MGAM2: variants seen among roughly 807,000 people sequenced by gnomAD.
MGAM2 encodes the protein maltase-glucoamylase 2 (putative), also known as probable maltase-glucoamylase 2.
In MGAM2, 98 loss-of-function variants were observed where a neutral mutation model predicts 96.1. The ratio of observed to expected loss-of-function variants is 1.02; its 90% CI spans 0.87 to 1.21. MGAM2 has a LOEUF of 1.21. Ranked by LOEUF, MGAM2 falls within the 50% of genes most tolerant of loss-of-function variation. The pLI, the probability that MGAM2 is intolerant of heterozygous loss-of-function variation, is 0.00. For missense variants in MGAM2, 2,055 were observed against 1,182.4 expected, an observed-to-expected ratio of 1.74 and a Z score of -10.82; for synonymous variants, 749 against 414.8, an observed-to-expected ratio of 1.81 and a Z score of -9.79.
chr7:142,178,996 T>TAGATGTA (rs1252312568), intron 32 of MGAM2, among the ~76,000 whole-genome samples: 1 of 151,768 alleles, frequency 6.6e-6, no homozygotes, highest in African/African-American at 2.4e-5. Flanking sequence ...GGTTAGATGT[T>TAGATGTA]TTCCTAGGTA....
chr7:142,123,280 G>A, intron 3 of MGAM2, among the ~76,000 whole-genome samples: 1 of 151,426 alleles, frequency 6.6e-6, no homozygotes, highest in East Asian at 1.9e-4. Flanking sequence ...AAATTTTTGG[G>A]TATCTTCGGG....
At chr7:142,215,393 C>T (rs1160826962) in intron 46 of MGAM2, among the ~76,000 whole-genome samples, 1 of 151,398 alleles carries the variant, frequency 6.6e-6, no homozygotes, top group African/African-American at 2.4e-5. Flanking sequence ...ACCACCATGG[C>T]ACATGTATAC....
intron 14 of MGAM2, among the ~76,000 whole-genome samples, chr7:142,146,621 C>T (rs1795392429): frequency 6.6e-6 from 1 of 152,106 alleles, no homozygotes; most frequent in Non-Finnish European, 1.5e-5. Flanking sequence ...AGAAGACTGG[C>T]CATTTCAGGC....
intron 32 of MGAM2, among the ~76,000 whole-genome samples, chr7:142,180,167 A>T (rs997913278): frequency 6.6e-6 from 1 of 152,150 alleles, no homozygotes; most frequent in African/African-American, 2.4e-5. Context: ...AAAATCTCTA[A>T]GGATATTCTG....
rs781649047 is a variant in MGAM2 at position 142,187,834 on chromosome 7, T to C, written c.4207T>C (p.Tyr1403His). The change falls in exon 36 of 48, where the codon TAT (tyrosine) becomes CAT (histidine). Residue 1403 changes from tyrosine to histidine, a missense_variant and splice_region_variant. Physicochemically the swap from Tyr to His is moderately conservative, Grantham distance 83. Transcript: ENST00000477922. ...EMLNNPPYMP[Y>H]LESRDKGLSS... ...GCTAAATAACCCACCCTATATGCCATGTATGTAAAATAATTACTTCATCAA... is the reference window on the plus strand; with the variant it reads ...GCTAAATAACCCACCCTATATGCCACGTATGTAAAATAATTACTTCATCAA... The C allele has an allele frequency of 2.6e-5, 18 of 701,820 alleles. No individual in the cohort carries two copies. The South Asian group carries it at 2.7e-4, about 10-fold the overall frequency. The allele number at this position is 701,820 out of a possible 1,614,324, so 43.5% of individuals were successfully genotyped here.
At position 142,173,365 on chromosome 7, in the gene MGAM2, C is replaced by T. The variant is rs950189252; in HGVS notation, c.3687+11C>T. On this transcript the variant is annotated intron_variant, in intron 31 of 47. Transcript: ENST00000477922. ...GCCCAGATTCCCTATGTATGAAACC[C>T]TCACTCAGCCCAAGGTGTAATTAGT... 1.4e-6 allele frequency: 1 copy of T among 702,384 alleles called. No homozygotes were observed. The highest frequency in any genetic ancestry group is 2.3e-4 in the Middle Eastern group (1 of 4,364). 43.5% of individuals were successfully genotyped at this position (702,384 alleles called of 1,614,324 possible). A position where few individuals can be genotyped will look rare whatever the true frequency, so the allele number is the denominator to read the frequency against.
At chr7:142,143,698 A>G in intron 12 of MGAM2, 71 bp from the exon 13 acceptor site, 1 of 483,214 alleles carries the variant, frequency 2.1e-6, no homozygotes, top group South Asian at 4.4e-5. Context: ...TCCTAGTAGA[A>G]GAAATCACTG....
intron 3 of MGAM2, among the ~76,000 whole-genome samples, chr7:142,123,114 G>T (rs114377843): frequency 2.0e-5 from 3 of 151,676 alleles, no homozygotes; most frequent in Admixed American, 6.6e-5. Flanking sequence ...GAGCCACCGC[G>T]CCCGACCTCA....
At chr7:142,188,775 CA>C (rs1796780630) in intron 36 of MGAM2, among the ~76,000 whole-genome samples, 1 of 152,178 alleles carries the variant, frequency 6.6e-6, no homozygotes, top group African/African-American at 2.4e-5. Context: ...AAGAGATATT[CA>C]ACACTTTGTT....
Position 142,197,536 on chromosome 7 carries a change from C to G in MGAM2, c.4769C>G (p.Pro1590Arg), listed in dbSNP as rs1797085051. The change falls in exon 41 of 48, where the codon CCC (proline) becomes CGC (arginine). Residue 1590 changes from proline (P) to arginine (R), a missense_variant. Physicochemically the swap from Pro to Arg is moderately radical, Grantham distance 103 (BLOSUM62 -2). Transcript: ENST00000477922. Reference protein sequence around the residue: ...AHVEGSTVVRPLLHEFTDDRT... With the variant: ...AHVEGSTVVRRLLHEFTDDRT... ...GTTGAGGGCAGCACAGTTGTCCGGC[C>G]CCTTCTCCATGAGTGAGTACAGCCT... 1 of 703,190 alleles carries G rather than the reference C, an allele frequency of 1.4e-6. No individual in the cohort carries two copies. The highest frequency in any genetic ancestry group is 2.6e-6 in the Non-Finnish European group (1 of 385,046). 43.6% of individuals were successfully genotyped at this position (703,190 alleles called of 1,614,324 possible).
Position 142,158,278 on chromosome 7 carries a change from G to A in MGAM2, c.2109G>A (p.Val703=). The change falls in exon 19 of 48, where the codon GTG becomes GTA. Residue 703 remains valine (V), a synonymous_variant. Transcript: ENST00000477922. ...ACCAGGACTCAGCCACGTGGGATGT[G>A]CATGAGCAGTTCTTATGGGGACCTG... ...EFYQDSATWD[V]HEQFLWGPGL... The A allele has an allele frequency of 1.4e-6, 1 of 702,936 alleles. No individual in the cohort carries two copies. The highest frequency in any genetic ancestry group is 2.6e-6 in the Non-Finnish European group (1 of 384,986). 43.5% of individuals were successfully genotyped at this position (702,936 alleles called of 1,614,324 possible).
chr7:142,159,960 G>A (rs1057117028), intron 20 of MGAM2, among the ~76,000 whole-genome samples, 174 bp from the exon 21 acceptor site: 1 of 152,144 alleles, frequency 6.6e-6, no homozygotes, highest in African/African-American at 2.4e-5. Flanking sequence ...AAAGGGGATT[G>A]GAGTGTCAGC....
chr7:142,167,596 A>AG (rs1796067271), intron 26 of MGAM2, 110 bp downstream of exon 26: 1 of 641,368 alleles, frequency 1.6e-6, no homozygotes, highest in Admixed American at 2.3e-5. Context: ...TTTTCAAGAC[A>AG]GGATCTCCCA....
intron 2 of MGAM2, among the ~76,000 whole-genome samples, chr7:142,119,284 A>G (rs1270518856): frequency 6.6e-6 from 1 of 152,242 alleles, no homozygotes; most frequent in Non-Finnish European, 1.5e-5. Flanking sequence ...ATTTCTCCCA[A>G]GGAAATCTAT....
In MGAM2 at chr7:142,221,009, T is replaced by A. The variant is rs1464590638; in HGVS notation, c.6498T>A (p.His2166Gln). Residue 2166 changes from histidine (H) to glutamine (Q), a missense_variant, in exon 48 of 48, where the codon CAT (histidine) becomes CAA (glutamine). Physicochemically the swap from His to Gln is conservative, Grantham distance 24. Transcript: ENST00000477922. Reference protein sequence around the residue: ...TNVANITATSHTSTDDTVPNN... With the variant: ...TNVANITATSQTSTDDTVPNN... ...TTGCTAATATAACTGCTACCTCTCA[T>A]ACAAGTACTGATGATACTGTTCCTA... 1.4e-6 allele frequency: 1 copy of A among 702,434 alleles called. No homozygotes were observed. Among genetic ancestry groups the A allele is most frequent in the Non-Finnish European group, 2.6e-6 (1 of 384,766 alleles). 43.5% of individuals were successfully genotyped at this position (702,434 alleles called of 1,614,324 possible). A position where few individuals can be genotyped will look rare whatever the true frequency, so the allele number is the denominator to read the frequency against.
chr7:142,134,359 C>A (rs182983992), intron 7 of MGAM2, among the ~76,000 whole-genome samples: 2 of 152,016 alleles, frequency 1.3e-5, no homozygotes, highest in Non-Finnish European at 1.5e-5. Flanking sequence ...TCTAGCAATT[C>A]GAAATGCAGC....
chr7:142,145,120 TG>T (rs2129081935), intron 14 of MGAM2, among the ~76,000 whole-genome samples, 175 bp downstream of exon 14: 1 of 152,262 alleles, frequency 6.6e-6, no homozygotes, highest in East Asian at 1.9e-4. Flanking sequence ...ATTACCCTTT[TG>T]CTGTCATAAC....
intron 1 of MGAM2, among the ~76,000 whole-genome samples, chr7:142,115,781 G>A (rs941069193): frequency 2.0e-5 from 3 of 152,186 alleles, no homozygotes; most frequent in African/African-American, 7.2e-5. Flanking sequence ...GGAGGCAGAT[G>A]TTTCGGTGAG....
intron 17 of MGAM2, among the ~76,000 whole-genome samples, chr7:142,156,004 G>A (rs1795725012): frequency 1.3e-5 from 2 of 152,150 alleles, no homozygotes; most frequent in South Asian, 2.1e-4. Context: ...AATTAGCTGG[G>A]TGTGGTGGCG....
Sources: gnomAD v4.1 joint callset for allele counts (sites outside exome capture counted in the v4.1 genomes callset) on GRCh38, gnomAD v4.1.1 for gene constraint, MANE v1.5 for transcripts, NCBI Gene and HGNC (gene_info 2026-07-23, HGNC 2026-07-21) for gene names.